ADGRD1: variants seen among roughly 807,000 people sequenced by gnomAD.
ADGRD1 encodes the protein G-protein coupled receptor 133.
A neutral mutation model predicts 113.4 loss-of-function variants in ADGRD1; 77 were observed. The ratio of observed to expected loss-of-function variants is 0.68; its 90% CI spans 0.57 to 0.82. The LOEUF (loss-of-function observed/expected upper bound fraction) is 0.82, where lower values mean the gene tolerates loss of function less well. Among genes scored for constraint, ADGRD1 ranks in the 40% least tolerant of loss-of-function variants. The pLI is 0.00. For missense variants in ADGRD1, 1,036 were observed against 1,139.1 expected (o/e 0.91, Z 1.30); for synonymous variants, 474 against 475.0 (o/e 1.00, Z 0.03).
At chr12:131,048,502 G>A (rs1883065961) in intron 13 of ADGRD1, among the ~76,000 whole-genome samples, 1 of 152,208 alleles carries the variant, frequency 6.6e-6, no homozygotes, top group African/African-American at 2.4e-5. Context: ...CCTACGGGAA[G>A]CGCTGAGATG....
intron 2 of ADGRD1, chr12:130,957,426 ACACT>A (rs1036888277): frequency 5.3e-5 from 8 of 152,032 alleles, no homozygotes; most frequent in East Asian, 3.9e-4. Context: ...ACGTCCACAC[ACACT>A]CATATGCATG....
intron 8 of ADGRD1, among the ~76,000 whole-genome samples, chr12:130,996,905 C>T (rs1278726970): frequency 6.6e-5 from 8 of 120,496 alleles, no homozygotes; most frequent in South Asian, 2.8e-4. Flanking sequence ...CCAGTAGGGG[C>T]GGCCGGGCAG....
rs1950224817 is a variant in ADGRD1, at chr12:131,105,839, A to G, written c.1861A>G (p.Ile621Val). The G allele has an allele frequency of 2.5e-6, 4 of 1,600,148 alleles. No homozygotes were observed. The highest frequency in any genetic ancestry group is 3.4e-6 in the Non-Finnish European group (4 of 1,179,786). Residue 621 changes from isoleucine to valine, a missense_variant, in exon 17 of 25, where the codon ATT becomes GTT. Physicochemically the swap from Ile to Val is conservative, Grantham distance 29 (BLOSUM62 3). Coordinates refer to ENST00000261654, the MANE Select transcript of ADGRD1 (RefSeq NM_198827.5). The stretch of plus-strand genomic sequence containing the variant: ...GCTGGTGGCCCAGGTCCTGCTGCTC[A>G]TTAGTTTCCGCCTCGAGCCGGGCAC... ...AVLVAQVLLL[I>V]SFRLEPGTTP... is the part of the protein sequence containing the mutation.
intron 5 of ADGRD1, chr12:130,986,666 T>TAAAA (rs1873730420): frequency 1.2e-5 from 2 of 163,936 alleles, no homozygotes; most frequent in Non-Finnish European, 2.7e-5. Context: ...CTTATTGCAT[T>TAAAA]AGTTAGGACT....
chr12:130,987,111 T>C lies in ADGRD1; in HGVS notation c.507T>C (p.His169=), dbSNP rs1289377794. 1.2e-6 allele frequency: 2 copies of C among 1,613,742 alleles called. No individual in the cohort carries two copies. The highest frequency in any genetic ancestry group is 2.7e-5 in the African/African-American group (2 of 74,942). ...CTTTTCCAGGCCCCTATTGGACTCA[T>C]GTCCTATTTACATGGAAATCCAAGG... The part of the protein sequence containing the change: ...SFSPPGPYWT[H]VLFTWKSKEG... The change falls in exon 6 of 25, where the codon CAT becomes CAC. Residue 169 remains histidine (H), a synonymous_variant. Transcript: ENST00000261654.
chr12:131,058,025 G>GAGAAGC (rs2137072960), intron 13 of ADGRD1, among the ~76,000 whole-genome samples: 1 of 152,334 alleles, frequency 6.6e-6, no homozygotes, highest in African/African-American at 2.4e-5. Context: ...TAAGTATTAA[G>GAGAAGC]AGAAGCAGAC....
chr12:131,083,089 C>T lies in ADGRD1; in HGVS notation c.1548-1451C>T, dbSNP rs1297247125. ...CTGGGGTCTTCATCGGTCATGCCAT[C>T]GGACAGCCACAGTTCTCATCTGCCA... On this transcript the variant is annotated intron_variant, in intron 14 of 24. Coordinates refer to ENST00000261654, the MANE Select transcript of ADGRD1 (RefSeq NM_198827.5). Among the ~76,000 whole-genome samples, 4 of 152,280 alleles carry T rather than the reference C, an allele frequency of 2.6e-5. No individual in the cohort carries two copies. In the South Asian group the frequency reaches 6.2e-4, roughly 24 times the overall value.
chr12:131,100,102 GTTGA>G (rs1018168517), intron 15 of ADGRD1, among the ~76,000 whole-genome samples: 2 of 151,926 alleles, frequency 1.3e-5, no homozygotes, highest in African/African-American at 4.8e-5. Flanking sequence ...TGATAATCAG[GTTGA>G]TTGATAGGTT....
Position 131,004,267 on chromosome 12 carries a change from A to G in ADGRD1, c.1226A>G (p.Gln409Arg). The change falls in exon 11 of 25, where the codon CAG becomes CGG. Residue 409 changes from glutamine (Q) to arginine (R), a missense_variant. Coordinates refer to ENST00000261654, the MANE Select transcript of ADGRD1 (RefSeq NM_198827.5). ...RFPAHGQSFI[Q>R]IPHEAFHRHA... Reference sequence around the variant, plus strand: ...CCGGCCCACGGGCAGAGCTTCATCCAGATCCCCCACGAGGCCTTCCACAGG... The same window carrying G: ...CCGGCCCACGGGCAGAGCTTCATCCGGATCCCCCACGAGGCCTTCCACAGG... 1 of 1,613,518 alleles carries G rather than the reference A, an allele frequency of 6.2e-7. No homozygotes were observed. Among genetic ancestry groups the G allele is most frequent in the Non-Finnish European group, 8.5e-7 (1 of 1,179,714 alleles).
intron 13 of ADGRD1, among the ~76,000 whole-genome samples, chr12:131,073,139 C>T (rs1039870530): frequency 2.0e-5 from 3 of 152,236 alleles, no homozygotes; most frequent in African/African-American, 7.2e-5. Flanking sequence ...CCACCTTTTT[C>T]TTCCTGTGCT....
intron 13 of ADGRD1, among the ~76,000 whole-genome samples, chr12:131,074,237 ATTCCTGAGGG>A (rs1486642849): frequency 3.3e-5 from 5 of 152,326 alleles, no homozygotes; most frequent in African/African-American, 1.2e-4. Context: ...TGTGGGAGAT[ATTCCTGAGGG>A]CTCACAGGCA....
rs145482553 is a variant in ADGRD1 at position 131,108,725 on chromosome 12, C to G, written c.1889C>G (p.Thr630Ser). The change falls in exon 18 of 25, where the codon ACC becomes AGC. Residue 630 changes from threonine (T) to serine (S), a missense_variant and splice_region_variant. Transcript: ENST00000261654. Reference sequence around the variant, plus strand: ...TTCCCATCTCTGGTTAAATCCTAGACCCCCTGCCAAGTGATGGCCGTGCTC... The same window carrying G: ...TTCCCATCTCTGGTTAAATCCTAGAGCCCCTGCCAAGTGATGGCCGTGCTC... The part of the protein sequence containing the change: ...LISFRLEPGT[T>S]PCQVMAVLLH... 6.2e-7 allele frequency: 1 copy of G among 1,613,988 alleles called. No individual in the cohort carries two copies. Among genetic ancestry groups the G allele is most frequent in the African/African-American group, 1.3e-5 (1 of 74,916 alleles).
chr12:130,975,212 G>C (rs1014390204), intron 4 of ADGRD1, among the ~76,000 whole-genome samples: 35 of 152,068 alleles, frequency 2.3e-4, no homozygotes, highest in African/African-American at 7.2e-4. Flanking sequence ...TAAACTTTAC[G>C]GGGATGAGCT....
intron 13 of ADGRD1, among the ~76,000 whole-genome samples, chr12:131,019,229 T>C (rs1026191067): frequency 2.0e-5 from 3 of 152,152 alleles, no homozygotes; most frequent in Admixed American, 2.0e-4. Flanking sequence ...CCCACCCGGC[T>C]CTAGGGGCAC....
intron 13 of ADGRD1, among the ~76,000 whole-genome samples, chr12:131,034,291 C>A (rs931382784): frequency 6.6e-6 from 1 of 152,228 alleles, no homozygotes; most frequent in Admixed American, 6.5e-5. Flanking sequence ...ACCCCAGGGC[C>A]TTTGCACGCC....
chr12:130,990,919 G>A (rs1874295749), intron 6 of ADGRD1, 95 bp from the exon 7 acceptor site: 3 of 909,476 alleles, frequency 3.3e-6, no homozygotes, highest in South Asian at 2.9e-5. Context: ...TCTTCCATGT[G>A]TCTGAAGCCA....
chr12:131,018,991 G>C (rs1026158704), intron 13 of ADGRD1, among the ~76,000 whole-genome samples: 1 of 152,230 alleles, frequency 6.6e-6, no homozygotes, highest in Non-Finnish European at 1.5e-5. Flanking sequence ...GCACAGACTC[G>C]TAGGCCTCCG....
intron 19 of ADGRD1, chr12:131,120,565 G>C: frequency 1.9e-6 from 1 of 524,284 alleles, no homozygotes; most frequent in Middle Eastern, 5.4e-4. Context: ...CCAGTCCCCA[G>C]CAAAGGTCTA....
At chr12:130,981,305 A>G (rs1391554371) in intron 4 of ADGRD1, 1 of 152,250 alleles carries the variant, frequency 6.6e-6, no homozygotes, top group Non-Finnish European at 1.5e-5. Context: ...CTGTGCAGAC[A>G]TAAAAGTGAC....
Sources: allele counts gnomAD v4.1 joint callset (sites outside exome capture counted in the v4.1 genomes callset), GRCh38; gene constraint gnomAD v4.1.1; transcripts MANE v1.5; gene names NCBI Gene and HGNC (gene_info 2026-07-23, HGNC 2026-07-21).